Variants in OPCML observed in about 807,000 individuals in gnomAD.
The protein encoded by OPCML is opioid-binding protein/cell adhesion molecule.
A neutral mutation model predicts 37.8 loss-of-function variants in OPCML; 13 were observed. That is an observed-to-expected ratio of 0.34 (90% CI 0.22 to 0.55). The LOEUF is 0.55. Ranked by LOEUF, OPCML falls within the 20% of genes least tolerant of loss-of-function variation. The pLI is 0.91. For synonymous variants in OPCML, 176 were observed against 168.8 expected (o/e 1.04, Z -0.33); for missense variants, 341 against 435.6 (o/e 0.78, Z 1.93).
At position 132,650,161 on chromosome 11, in the gene OPCML, AG is replaced by A. The variant is rs542306600; in HGVS notation, c.379+6925del. Among the ~76,000 whole-genome samples, 76 of 152,328 alleles carry A rather than the reference AG, an allele frequency of 5.0e-4. No homozygotes were observed. The South Asian group carries it at 0.016, about 32-fold the overall frequency. The stretch of plus-strand genomic sequence containing the variant: ...TCTCTTCCACCTTCTCTAACCAAAA[AG>A]TGAACAACAAGGTTTACAGTCACCC... On this transcript the variant is annotated intron_variant, in intron 3 of 7. Coordinates refer to ENST00000524381, the MANE Select transcript of OPCML (RefSeq NM_001012393.5).
At chr11:133,168,071 A>T (rs1005784498) in intron 1 of OPCML, among the ~76,000 whole-genome samples, 2 of 152,220 alleles carry the variant, frequency 1.3e-5, no homozygotes, top group Non-Finnish European at 2.9e-5. Context: ...AAAAAGTGAG[A>T]AGTGATTCAG....
At chr11:133,291,511 G>A (rs567113431) in intron 1 of OPCML, among the ~76,000 whole-genome samples, 7 of 152,198 alleles carry the variant, frequency 4.6e-5, no homozygotes, top group Non-Finnish European at 8.8e-5. Flanking sequence ...AGGGAAAGCC[G>A]GTATCTACCG....
intron 1 of OPCML, among the ~76,000 whole-genome samples, chr11:133,356,313 G>T (rs941556126): frequency 6.6e-6 from 1 of 152,184 alleles, no homozygotes; most frequent in Admixed American, 6.5e-5. Flanking sequence ...ATTATGTTCC[G>T]CAGTTTATGC....
chr11:132,706,604 T>G (rs559984256), intron 2 of OPCML, among the ~76,000 whole-genome samples: 1 of 152,310 alleles, frequency 6.6e-6, no homozygotes, highest in Non-Finnish European at 1.5e-5. Context: ...TAGATGAGTT[T>G]ACCCAATGTA....
chr11:132,468,169 C>T (rs565425246), intron 4 of OPCML, among the ~76,000 whole-genome samples: 1 of 152,316 alleles, frequency 6.6e-6, no homozygotes, highest in Non-Finnish European at 1.5e-5. Flanking sequence ...ACTGCTCACT[C>T]TCCTCTGGCT....
chr11:132,669,578 T>C (rs1308050420), intron 2 of OPCML, among the ~76,000 whole-genome samples: 1 of 152,156 alleles, frequency 6.6e-6, no homozygotes, highest in Non-Finnish European at 1.5e-5. Context: ...AGCAAGCTGC[T>C]CGGGTATTGT....
intron 3 of OPCML, among the ~76,000 whole-genome samples, chr11:132,564,338 A>T (rs1010566910): frequency 1.2e-4 from 19 of 152,170 alleles, no homozygotes; most frequent in African/African-American, 4.3e-4. Flanking sequence ...AGGCTGGGAG[A>T]CCTAACCGCT....
At chr11:133,336,661 T>G (rs1199544499) in intron 1 of OPCML, among the ~76,000 whole-genome samples, 1 of 152,228 alleles carries the variant, frequency 6.6e-6, no homozygotes, top group East Asian at 1.9e-4. Flanking sequence ...AACTGAGCAT[T>G]TCACTTGGAG....
intron 1 of OPCML, among the ~76,000 whole-genome samples, chr11:133,254,573 TGAA>T (rs1941250127): frequency 6.6e-6 from 1 of 152,120 alleles, no homozygotes; most frequent in African/African-American, 2.4e-5. Flanking sequence ...CCAAAGAAGA[TGAA>T]GATGAAGTCA....
Position 132,709,736 on chromosome 11 carries a change from G to T in OPCML, c.147-52417C>A, listed in dbSNP as rs373695875. ...CACTAACTACAGCCCGCACTCAAAG[G>T]GAGGGAGATTAAGCTCCACCTCCAG... is the stretch of plus-strand genomic sequence containing the variant. On this transcript the variant is annotated intron_variant, in intron 2 of 7. Coordinates refer to ENST00000524381, the MANE Select transcript of OPCML (RefSeq NM_001012393.5). 9.2e-5 allele frequency among the ~76,000 whole-genome samples: 14 copies of T among 152,296 alleles called. No homozygotes were observed. In the East Asian group the frequency reaches 2.7e-3, roughly 29 times the overall value.
intron 1 of OPCML, among the ~76,000 whole-genome samples, chr11:133,523,571 G>A (rs187731284): frequency 1.1e-4 from 16 of 152,264 alleles, no homozygotes; most frequent in African/African-American, 3.9e-4. Flanking sequence ...ACTGCAACAA[G>A]AACAAGAATA....
At chr11:132,555,681 G>T (rs2096393841) in intron 3 of OPCML, among the ~76,000 whole-genome samples, 1 of 152,086 alleles carries the variant, frequency 6.6e-6, no homozygotes, top group Non-Finnish European at 1.5e-5. Flanking sequence ...ATGAATGAAG[G>T]CGCGTAGACT....
At chr11:132,979,691 A>G (rs1272344370) in intron 1 of OPCML, among the ~76,000 whole-genome samples, 1 of 152,242 alleles carries the variant, frequency 6.6e-6, no homozygotes, top group East Asian at 1.9e-4. Context: ...GTTGCTTAAC[A>G]TCTCAACACT....
chr11:132,582,848 T>TG (rs71067380), intron 3 of OPCML, among the ~76,000 whole-genome samples: 32,341 of 106,782 alleles, frequency 0.3, 6,307 homozygotes, highest in East Asian at 0.76. Context: ...TGTTTAAGGT[T>TG]TTTTTTTTTT....
At chr11:132,765,056 G>A (rs569953790) in intron 2 of OPCML, among the ~76,000 whole-genome samples, 21 of 151,916 alleles carry the variant, frequency 1.4e-4, no homozygotes, top group East Asian at 7.7e-4. Context: ...GGGAGCTAGC[G>A]TTCGTTTTGC....
chr11:132,856,419 GC>G (rs368411909), intron 2 of OPCML, among the ~76,000 whole-genome samples: 3 of 152,218 alleles, frequency 2.0e-5, no homozygotes, highest in East Asian at 3.9e-4. Flanking sequence ...GACAGGAGAG[GC>G]CCCCCGCTCC....
chr11:133,423,060 A>G lies in OPCML; in HGVS notation c.61+109204T>C, dbSNP rs540986596. On this transcript the variant is annotated intron_variant, in intron 1 of 7. Coordinates refer to ENST00000524381, the MANE Select transcript of OPCML (RefSeq NM_001012393.5). ...CTACTGTTCCTCTTACTTCCTTTAG[A>G]TTTCAACTTATGCTCTCGAACGTGT... 2.6e-5 allele frequency: 26 copies of G among 985,388 alleles called. No homozygotes were observed. The South Asian group carries it at 1.0e-3, about 39-fold the overall frequency. 61.0% of individuals were successfully genotyped at this position (985,388 alleles called of 1,614,324 possible).
chr11:133,207,274 TG>T lies in OPCML; in HGVS notation c.62-264265del, dbSNP rs1243809507. On this transcript the variant is annotated intron_variant, in intron 1 of 7. Coordinates refer to ENST00000524381, the MANE Select transcript of OPCML (RefSeq NM_001012393.5). ...GAGATCAAGCCACTGCCCTCCAGCC[TG>T]GGCGACAGAGTGAGACTCCATCTCA... is the stretch of plus-strand genomic sequence containing the variant. 5.9e-5 allele frequency among the ~76,000 whole-genome samples: 9 copies of T among 152,196 alleles called. No homozygotes were observed. The East Asian group carries it at 9.7e-4, about 16-fold the overall frequency.
At chr11:132,790,145 T>C (rs2136175887) in intron 2 of OPCML, among the ~76,000 whole-genome samples, 1 of 152,296 alleles carries the variant, frequency 6.6e-6, no homozygotes, top group African/African-American at 2.4e-5. Flanking sequence ...TGCACCCCCA[T>C]GTTCGTTGCA....
Sources: allele counts gnomAD v4.1 joint callset (sites outside exome capture counted in the v4.1 genomes callset), GRCh38; gene constraint gnomAD v4.1.1; transcripts MANE v1.5; gene names NCBI Gene and HGNC (gene_info 2026-07-23, HGNC 2026-07-21).